The following CSMD3 variants were observed in gnomAD, a reference collection of about 807,000 sequenced individuals.
CSMD3 encodes CUB and sushi domain-containing protein 3.
A neutral mutation model predicts 435.2 loss-of-function variants in CSMD3; 177 were observed. That is an observed-to-expected ratio of 0.41 (90% CI 0.36 to 0.46). The LOEUF (loss-of-function observed/expected upper bound fraction) is 0.46, where lower values mean the gene tolerates loss of function less well. Among genes scored for constraint, CSMD3 ranks in the 20% least tolerant of loss-of-function variants. The probability of loss-of-function intolerance (pLI) is 0.34; values close to 1 mark genes in which losing one functional copy is unlikely to be tolerated. For missense variants in CSMD3, 4,265 were observed against 4,504.6 expected (o/e 0.95, Z 1.52); for synonymous variants, 1,656 against 1,520.5 (o/e 1.09, Z -2.07).
At chr8:113,297,181 A>T (rs1588462943) in intron 2 of CSMD3, among the ~76,000 whole-genome samples, 2 of 152,258 alleles carry the variant, frequency 1.3e-5, no homozygotes, top group East Asian at 3.9e-4. Flanking sequence ...CCACGTAGCT[A>T]TTATGAAATT....
intron 23 of CSMD3, among the ~76,000 whole-genome samples, chr8:112,585,663 G>A (rs992133668): frequency 2.6e-5 from 4 of 151,574 alleles, no homozygotes; most frequent in Admixed American, 2.6e-4. Context: ...AAATATTTTA[G>A]GTAGAACAAT....
intron 13 of CSMD3, among the ~76,000 whole-genome samples, chr8:112,788,467 ATTC>A (rs1462049176): frequency 3.3e-5 from 5 of 152,210 alleles, no homozygotes; most frequent in Non-Finnish European, 4.4e-5. Context: ...CACAGGTCTC[ATTC>A]AAAGTTCACC....
chr8:112,552,479 T>C (rs1827771717), intron 26 of CSMD3, 115 bp downstream of exon 26: 1 of 1,063,092 alleles, frequency 9.4e-7, no homozygotes, highest in Non-Finnish European at 1.4e-6. Flanking sequence ...AGCAAGACTC[T>C]GCCTCAAGAA....
At chr8:112,882,888 G>A (rs2081486877) in intron 10 of CSMD3, among the ~76,000 whole-genome samples, 1 of 151,928 alleles carries the variant, frequency 6.6e-6, no homozygotes, top group East Asian at 1.9e-4. Context: ...AGCCTAATAA[G>A]TTGACAGGCA....
intron 13 of CSMD3, among the ~76,000 whole-genome samples, chr8:112,774,222 C>T (rs2078191796): frequency 6.6e-6 from 1 of 151,966 alleles, no homozygotes; most frequent in African/African-American, 2.4e-5. Flanking sequence ...ATAATTTTCT[C>T]ACTGACACCT....
chr8:112,457,911 A>G (rs996082637), intron 32 of CSMD3, among the ~76,000 whole-genome samples: 1 of 152,076 alleles, frequency 6.6e-6, no homozygotes, highest in Non-Finnish European at 1.5e-5. Flanking sequence ...TTAATGATTA[A>G]GCTAATACCT....
At chr8:113,029,746 C>T (rs2087012926) in intron 5 of CSMD3, among the ~76,000 whole-genome samples, 2 of 151,332 alleles carry the variant, frequency 1.3e-5, no homozygotes, top group African/African-American at 4.8e-5. Flanking sequence ...CACCACTCCT[C>T]TTCAACATAG....
chr8:113,314,404 C>T, intron 2 of CSMD3, 167 bp downstream of exon 2: 1 of 614,904 alleles, frequency 1.6e-6, no homozygotes, highest in Non-Finnish European at 2.9e-6. Context: ...ATCAGAGACA[C>T]CAAGCTAATT....
chr8:112,750,571 A>T (rs537782263), intron 13 of CSMD3, among the ~76,000 whole-genome samples: 8 of 152,194 alleles, frequency 5.3e-5, no homozygotes, highest in African/African-American at 1.7e-4. Flanking sequence ...CATAAAAGAT[A>T]AGTATATATG....
intron 12 of CSMD3, among the ~76,000 whole-genome samples, chr8:112,810,490 G>C (rs1347061157): frequency 1.3e-5 from 2 of 151,994 alleles, no homozygotes; most frequent in Non-Finnish European, 2.9e-5. Flanking sequence ...AGAAACAAAA[G>C]TAAATGTCTA....
chr8:112,347,118 A>G (rs1325746527), intron 40 of CSMD3, among the ~76,000 whole-genome samples: 1 of 152,164 alleles, frequency 6.6e-6, no homozygotes, highest in Non-Finnish European at 1.5e-5. Flanking sequence ...AAATTTGAGA[A>G]TGTAGGGAGT....
At chr8:112,401,473 A>G (rs1252698477) in intron 35 of CSMD3, among the ~76,000 whole-genome samples, 1 of 152,090 alleles carries the variant, frequency 6.6e-6, no homozygotes, top group Non-Finnish European at 1.5e-5. Context: ...TGATGTTTAA[A>G]TTTTTAGGGT....
chr8:113,378,027 C>A (rs946375061), intron 1 of CSMD3, among the ~76,000 whole-genome samples: 9 of 152,092 alleles, frequency 5.9e-5, no homozygotes, highest in African/African-American at 2.2e-4. Flanking sequence ...AAGGCTGATA[C>A]AATGATTACA....
At chr8:112,704,150 C>T (rs1563874263) in intron 13 of CSMD3, among the ~76,000 whole-genome samples, 1 of 151,874 alleles carries the variant, frequency 6.6e-6, no homozygotes, top group African/African-American at 2.4e-5. Context: ...AATTCTCTCT[C>T]TCTCTCTTTT....
chr8:112,942,250 A>C (rs1417796318), intron 9 of CSMD3, among the ~76,000 whole-genome samples: 4 of 151,498 alleles, frequency 2.6e-5, no homozygotes, highest in African/African-American at 7.3e-5. Context: ...AAAAAAAAAA[A>C]AACTGTCAAC....
chr8:112,834,671 A>G (rs1345528888), intron 11 of CSMD3, among the ~76,000 whole-genome samples: 1 of 151,710 alleles, frequency 6.6e-6, no homozygotes, highest in East Asian at 1.9e-4. Context: ...ATTTCCACCC[A>G]TTTATTTTTG....
At chr8:113,429,185 A>G (rs977549049) in intron 1 of CSMD3, among the ~76,000 whole-genome samples, 6 of 151,760 alleles carry the variant, frequency 4.0e-5, no homozygotes, top group Non-Finnish European at 8.9e-5. Flanking sequence ...TTCTTATACC[A>G]TTAATATTTA....
chr8:112,446,227 A>T (rs913622680), intron 32 of CSMD3, among the ~76,000 whole-genome samples: 4 of 152,152 alleles, frequency 2.6e-5, no homozygotes, highest in Non-Finnish European at 5.9e-5. Context: ...GTGTCCCCTG[A>T]TTGCATGCCC....
chr8:113,352,889 T>C (rs1051263800), intron 1 of CSMD3, among the ~76,000 whole-genome samples: 6 of 152,262 alleles, frequency 3.9e-5, no homozygotes, highest in East Asian at 3.9e-4. Context: ...AAGCCACGCA[T>C]TAATATTTGG....
Sources: gnomAD v4.1 joint callset for allele counts (sites outside exome capture counted in the v4.1 genomes callset) on GRCh38, gnomAD v4.1.1 for gene constraint, MANE v1.5 for transcripts, NCBI Gene and HGNC (gene_info 2026-07-23, HGNC 2026-07-21) for gene names.